The following ZNF469 variants were observed in gnomAD, a reference collection of about 807,000 sequenced individuals.
The protein encoded by ZNF469 is zinc finger protein 469.
In ZNF469, 1 loss-of-function variant was observed where a neutral mutation model predicts 1.0. That is an observed-to-expected ratio of 1.00 (90% confidence interval 0.35 to 4.73). ZNF469 has a LOEUF of 4.73. Ranked by LOEUF, ZNF469 falls within the 30% of genes most tolerant of loss-of-function variation. The pLI, the probability that ZNF469 is intolerant of heterozygous loss-of-function variation, is 0.16. For synonymous variants in ZNF469, 2,703 were observed against 2,363.4 expected (o/e 1.14, Z -4.17); for missense variants, 6,100 against 5,356.3 (o/e 1.14, Z -4.33).
Position 88,427,444 on chromosome 16 carries a change from T to G in ZNF469, c.-27T>G, listed in dbSNP as rs1475749497. The G allele has an allele frequency of 6.9e-7, 1 of 1,458,904 alleles. No homozygotes were observed. Among genetic ancestry groups the G allele is most frequent in the Non-Finnish European group, 9.0e-7 (1 of 1,107,224 alleles). 90.4% of individuals were successfully genotyped at this position (1,458,904 alleles called of 1,614,324 possible). On this transcript the variant is annotated 5_prime_UTR_variant, in exon 3 of 3. Transcript: ENST00000565624. ...CCAGGGCCCCCCTCGGACAGCTGCGTCGTCCTAGCGCCAGGACGGAGGGGC... is the reference window on the plus strand; with the variant it reads ...CCAGGGCCCCCCTCGGACAGCTGCGGCGTCCTAGCGCCAGGACGGAGGGGC...
chr16:88,119,999 C>T, the ZNF469 span, among the ~76,000 whole-genome samples: 1 of 152,176 alleles, frequency 6.6e-6, no homozygotes, highest in Non-Finnish European at 1.5e-5. Flanking sequence ...GAGGGGAGCA[C>T]TGTCTTCTGA....
chr16:88,424,402 C>G lies in ZNF469; in HGVS notation c.-191-405C>G, dbSNP rs1478931706. On this transcript the variant is annotated intron_variant, in intron 1 of 2. Transcript: ENST00000565624. This position sits in a 1 kb window ranked among gnomAD's most constrained non-coding sequence, Gnocchi z 4.3. Reference sequence around the variant, plus strand: ...ACTCTGGGAGGAAACACCAGAAGCTCCTCTAGTCTCCCCAGCGGGACTGGG... The same window carrying G: ...ACTCTGGGAGGAAACACCAGAAGCTGCTCTAGTCTCCCCAGCGGGACTGGG... Among the ~76,000 whole-genome samples, 1 of 152,200 alleles carries G rather than the reference C, an allele frequency of 6.6e-6. No homozygotes were observed. The highest frequency in any genetic ancestry group is 1.5e-5 in the Non-Finnish European group (1 of 68,036).
At chr16:88,205,143 C>T in the ZNF469 span, among the ~76,000 whole-genome samples, 1 of 152,194 alleles carries the variant, frequency 6.6e-6, no homozygotes, top group Non-Finnish European at 1.5e-5. The surrounding 1 kb of genome is among the most constrained non-coding windows in gnomAD (Gnocchi z 4.2). Context: ...ACTGGAAGCC[C>T]TCTGCCACAG....
At chr16:88,143,092 C>T in the ZNF469 span, among the ~76,000 whole-genome samples, 1 of 152,182 alleles carries the variant, frequency 6.6e-6, no homozygotes, top group Non-Finnish European at 1.5e-5. Flanking sequence ...TTCACCGACA[C>T]CCGGTGAGCA....
chr16:88,281,450 G>A, the ZNF469 span, among the ~76,000 whole-genome samples: 4 of 150,784 alleles, frequency 2.7e-5, no homozygotes, highest in African/African-American at 9.8e-5. Context: ...TTAGTGCTGT[G>A]CCACACCGAT....
At chr16:88,354,434 C>T in the ZNF469 span, among the ~76,000 whole-genome samples, 6 of 152,104 alleles carry the variant, frequency 3.9e-5, no homozygotes, top group South Asian at 6.2e-4. Context: ...GTTACCAGCT[C>T]GTGCTCCAGA....
chr16:88,400,594 C>T (rs1054547366), intron 1 of ZNF469, among the ~76,000 whole-genome samples: 2 of 152,172 alleles, frequency 1.3e-5, no homozygotes, highest in Admixed American at 6.5e-5. Context: ...TCAGTCCCTC[C>T]TCTCAGCTGT....
the ZNF469 span, among the ~76,000 whole-genome samples, chr16:88,337,964 T>C: frequency 6.6e-6 from 1 of 152,236 alleles, no homozygotes; most frequent in Non-Finnish European, 1.5e-5. Flanking sequence ...TGGTGTCCTT[T>C]GAAACACAAA....
intron 2 of ZNF469, among the ~76,000 whole-genome samples, chr16:88,426,542 G>A (rs1000128070): frequency 1.3e-5 from 2 of 152,264 alleles, no homozygotes; most frequent in Non-Finnish European, 2.9e-5. Context: ...CTGGGCAAGC[G>A]GCTCCTGCTA....
At chr16:88,227,143 T>C in the ZNF469 span, among the ~76,000 whole-genome samples, 1 of 152,112 alleles carries the variant, frequency 6.6e-6, no homozygotes, top group East Asian at 2.0e-4. Flanking sequence ...CTCCACACTT[T>C]GCAGCCACTG....
At chr16:88,272,220 T>A in the ZNF469 span, among the ~76,000 whole-genome samples, 1 of 115,708 alleles carries the variant, frequency 8.6e-6, no homozygotes, top group Non-Finnish European at 1.9e-5. Flanking sequence ...TAAATGGATG[T>A]GTGGATGAGT....
the ZNF469 span, among the ~76,000 whole-genome samples, chr16:88,343,729 A>ATAACCCATGAATCCATGAATGGAT: frequency 6.6e-6 from 1 of 152,230 alleles, no homozygotes; most frequent in East Asian, 1.9e-4. Flanking sequence ...CACTCCTGTA[A>ATAACCCATGAATCCATGAATGGAT]TAACCCATGA....
intron 1 of ZNF469, among the ~76,000 whole-genome samples, chr16:88,396,296 C>G (rs1904656003): frequency 6.6e-6 from 1 of 152,288 alleles, no homozygotes; most frequent in Non-Finnish European, 1.5e-5. Flanking sequence ...CATCTCCTGG[C>G]TCTGCTTTTC....
chr16:88,319,495 G>T, the ZNF469 span, among the ~76,000 whole-genome samples: 9 of 151,636 alleles, frequency 5.9e-5, no homozygotes, highest in South Asian at 4.2e-4. Context: ...GTGAGCACAG[G>T]CCCTGCTGAT....
chr16:88,358,042 G>A, the ZNF469 span, among the ~76,000 whole-genome samples: 2 of 152,238 alleles, frequency 1.3e-5, no homozygotes, highest in Non-Finnish European at 2.9e-5. Context: ...ATGGACACGC[G>A]GGGGGCTGGG....
At chr16:88,181,172 G>A in the ZNF469 span, among the ~76,000 whole-genome samples, 1 of 151,442 alleles carries the variant, frequency 6.6e-6, no homozygotes, top group Admixed American at 6.6e-5. Context: ...CCAGCTTTAA[G>A]CAATTCTCCT....
the ZNF469 span, among the ~76,000 whole-genome samples, chr16:88,323,644 C>A: frequency 6.6e-6 from 1 of 152,158 alleles, no homozygotes; most frequent in South Asian, 2.1e-4. Flanking sequence ...CTGACCCCCA[C>A]TTTCTGGTGG....
At chr16:88,273,773 C>T in the ZNF469 span, among the ~76,000 whole-genome samples, 7 of 151,716 alleles carry the variant, frequency 4.6e-5, no homozygotes, top group Admixed American at 4.6e-4. Context: ...TGAATGGATA[C>T]ATACAATGTG....
At chr16:88,406,102 G>A (rs192742076) in intron 1 of ZNF469, among the ~76,000 whole-genome samples, 53 of 152,324 alleles carry the variant, frequency 3.5e-4, no homozygotes, top group African/African-American at 1.2e-3. Context: ...AGCCGACCAC[G>A]CCACCACGAG....
Sources: gnomAD v4.1 joint callset for allele counts (sites outside exome capture counted in the v4.1 genomes callset) on GRCh38, gnomAD v4.1.1 for gene constraint, Gnocchi (gnomAD v3.1) non-coding constraint, MANE v1.5 for transcripts, NCBI Gene and HGNC (gene_info 2026-07-23, HGNC 2026-07-21) for gene names.